The following FNDC3B variants were observed in gnomAD, a reference collection of about 807,000 sequenced individuals.
FNDC3B encodes fibronectin type III domain-containing protein 3B.
FNDC3B carries 12 observed loss-of-function variants against 151.5 expected under a neutral mutation model. That is an observed-to-expected ratio of 0.08 (90% confidence interval 0.05 to 0.13). The LOEUF (loss-of-function observed/expected upper bound fraction) is 0.13. Among genes scored for constraint, FNDC3B ranks in the 10% least tolerant of loss-of-function variants. The probability of loss-of-function intolerance (pLI) is 1.00; values close to 1 mark genes in which losing one functional copy is unlikely to be tolerated. For missense variants in FNDC3B, 1,214 were observed against 1,505.3 expected (o/e 0.81, Z 3.20); for synonymous variants, 528 against 549.0 (o/e 0.96, Z 0.54).
At chr3:172,147,198 C>T (rs540516784) in intron 3 of FNDC3B, among the ~76,000 whole-genome samples, 126 of 151,552 alleles carry the variant, frequency 8.3e-4, no homozygotes, top group African/African-American at 3.0e-3. Context: ...CCCAGCTACT[C>T]GGGAGGCTTG....
Position 172,145,963 on chromosome 3 carries a change from G to C in FNDC3B, c.187+12417G>C, listed in dbSNP as rs541126128. On this transcript the variant is annotated intron_variant, in intron 3 of 25. Coordinates refer to ENST00000415807, the MANE Select transcript of FNDC3B (RefSeq NM_022763.4). The stretch of plus-strand genomic sequence containing the variant: ...TGAGTAGCTGGGATTACAGGCATGC[G>C]CCACCACGCCCCGTTAGTTTTGTAC... 4.6e-5 allele frequency among the ~76,000 whole-genome samples: 7 copies of C among 151,974 alleles called. No individual in the cohort carries two copies. The South Asian group carries it at 1.5e-3, about 32-fold the overall frequency.
chr3:172,241,864 G>A (rs2108762775), intron 4 of FNDC3B, among the ~76,000 whole-genome samples: 1 of 152,252 alleles, frequency 6.6e-6, no homozygotes, highest in African/African-American at 2.4e-5. Context: ...TAACTCAAAA[G>A]TCCACAATCC....
chr3:172,252,219 A>G (rs1359635701), intron 6 of FNDC3B, among the ~76,000 whole-genome samples: 1 of 152,114 alleles, frequency 6.6e-6, no homozygotes, highest in Non-Finnish European at 1.5e-5. Flanking sequence ...GAGAGAACCT[A>G]TTTTGATGCC....
chr3:172,393,467 A>C (rs918280902), intron 25 of FNDC3B, among the ~76,000 whole-genome samples: 1 of 152,238 alleles, frequency 6.6e-6, no homozygotes, highest in African/African-American at 2.4e-5. Flanking sequence ...GAAAATTAAT[A>C]AACATTGGGC....
chr3:172,330,671 G>T lies in FNDC3B; in HGVS notation c.1510G>T (p.Glu504Ter). The change falls in exon 13 of 26, where the codon GAG (glutamate) becomes TAG (stop). Residue 504 changes from glutamate to a stop codon, truncating the protein, a stop_gained. Coordinates refer to ENST00000415807, the MANE Select transcript of FNDC3B (RefSeq NM_022763.4). LOFTEE classifies it high-confidence loss of function. ...QWSKPEGCSP[E>*]EVITYTLEIQ... ...GAGTAAGCCAGAAGGCTGTTCACCC[G>T]AGGAAGTGATCACCTACACCTTGGA... The T allele has an allele frequency of 6.2e-7, 1 of 1,614,110 alleles. No homozygotes were observed. Among genetic ancestry groups the T allele is most frequent in the South Asian group, 1.1e-5 (1 of 91,070 alleles).
intron 3 of FNDC3B, among the ~76,000 whole-genome samples, chr3:172,185,482 G>A (rs937498154): frequency 4.6e-5 from 7 of 152,164 alleles, no homozygotes; most frequent in Non-Finnish European, 8.8e-5. Context: ...TTACACTGGG[G>A]AAGATAGAGA....
At chr3:172,067,443 T>G (rs1717553173) in intron 1 of FNDC3B, among the ~76,000 whole-genome samples, 1 of 152,242 alleles carries the variant, frequency 6.6e-6, no homozygotes, top group Non-Finnish European at 1.5e-5. Context: ...AGAGTCGGAC[T>G]CTGCTTTTTT....
intron 2 of FNDC3B, among the ~76,000 whole-genome samples, chr3:172,122,260 A>G (rs1720590723): frequency 6.6e-6 from 1 of 150,430 alleles, no homozygotes; most frequent in Non-Finnish European, 1.5e-5. Context: ...CCAAGTTCCA[A>G]ATGCAGATAC....
chr3:172,264,609 T>A (rs1052838482), intron 6 of FNDC3B, among the ~76,000 whole-genome samples: 1 of 152,254 alleles, frequency 6.6e-6, no homozygotes, highest in African/African-American at 2.4e-5. Context: ...ATACTATAAA[T>A]GGACTTTTAA....
At chr3:172,132,562 C>A (rs183125120) in intron 2 of FNDC3B, among the ~76,000 whole-genome samples, 2 of 152,078 alleles carry the variant, frequency 1.3e-5, no homozygotes, top group Admixed American at 1.3e-4. Context: ...CCTGCCACCA[C>A]GCCTGGTTAA....
At chr3:172,297,115 T>C (rs1165799302) in intron 8 of FNDC3B, among the ~76,000 whole-genome samples, 1 of 152,170 alleles carries the variant, frequency 6.6e-6, no homozygotes, top group African/African-American at 2.4e-5. Flanking sequence ...CCTAAGTTGA[T>C]TGTTGCTAAA....
chr3:172,081,834 C>T (rs1001113617), intron 1 of FNDC3B, among the ~76,000 whole-genome samples: 1 of 152,166 alleles, frequency 6.6e-6, no homozygotes, highest in Non-Finnish European at 1.5e-5. Context: ...AAGAAATGTG[C>T]TTCAAAGTGA....
chr3:172,394,106 TAAAAAAAAAAAAAA>T (rs60559371), intron 25 of FNDC3B, among the ~76,000 whole-genome samples: 25 of 16,650 alleles, frequency 1.5e-3, no homozygotes, highest in Admixed American at 6.1e-3. Flanking sequence ...AGACTCCTTC[TAAAAAAAAAAAAAA>T]AAAAAAAAAA....
intron 1 of FNDC3B, among the ~76,000 whole-genome samples, chr3:172,077,403 A>T (rs1336495423): frequency 1.3e-5 from 2 of 152,242 alleles, no homozygotes; most frequent in Admixed American, 1.3e-4. Context: ...ACATGACATT[A>T]TTCAGTCAGA....
chr3:172,271,153 A>G (rs185549009), intron 6 of FNDC3B, among the ~76,000 whole-genome samples: 3 of 152,312 alleles, frequency 2.0e-5, no homozygotes, highest in East Asian at 1.9e-4. Flanking sequence ...GCAGTCTAGT[A>G]TTATTTCCAC....
chr3:172,301,298 G>C (rs902771992), intron 9 of FNDC3B, among the ~76,000 whole-genome samples: 2 of 152,166 alleles, frequency 1.3e-5, no homozygotes, highest in Non-Finnish European at 2.9e-5. Context: ...CAAGTTCTTT[G>C]AATCTGTATA....
intron 11 of FNDC3B, among the ~76,000 whole-genome samples, chr3:172,311,350 T>C (rs7650316): frequency 0.061 from 9,358 of 152,234 alleles, 1,022 homozygotes; most frequent in African/African-American, 0.21. Flanking sequence ...GAAGTCACAT[T>C]CTACCCATGT....
At chr3:172,369,142 T>C (rs1441638250) in intron 23 of FNDC3B, among the ~76,000 whole-genome samples, 1 of 152,234 alleles carries the variant, frequency 6.6e-6, no homozygotes, top group Non-Finnish European at 1.5e-5. Flanking sequence ...GCAAATGAAC[T>C]ATTTGAGATC....
At chr3:172,183,765 C>T (rs942226066) in intron 3 of FNDC3B, among the ~76,000 whole-genome samples, 1 of 152,128 alleles carries the variant, frequency 6.6e-6, no homozygotes. Context: ...TCCTTTCTCA[C>T]GTAGCTTCCC....
Sources: allele counts gnomAD v4.1 joint callset (sites outside exome capture counted in the v4.1 genomes callset), GRCh38; gene constraint gnomAD v4.1.1; transcripts MANE v1.5; gene names NCBI Gene and HGNC (gene_info 2026-07-23, HGNC 2026-07-21).